The following PACS1 variants were observed in gnomAD, a reference collection of about 807,000 sequenced individuals.
PACS1 encodes PACS-1.
A neutral mutation model predicts 115.0 loss-of-function variants in PACS1; 24 were observed. The observed-to-expected ratio is 0.21, with a 90% CI of 0.15 to 0.29. The LOEUF is 0.29. PACS1 is among the 10% of genes least tolerant of loss of function. The probability of loss-of-function intolerance (pLI) is 1.00; values close to 1 mark genes in which losing one functional copy is unlikely to be tolerated. For missense variants in PACS1, 838 were observed against 1,251.2 expected (o/e 0.67, Z 4.98); for synonymous variants, 453 against 504.5 (o/e 0.90, Z 1.37).
At chr11:66,142,509 T>C (rs1859017095) in intron 1 of PACS1, among the ~76,000 whole-genome samples, 1 of 151,294 alleles carries the variant, frequency 6.6e-6, no homozygotes, top group Non-Finnish European at 1.5e-5. Context: ...GGTTTCGCCA[T>C]GGTGCCCAGG....
At chr11:66,189,600 A>G (rs1282754449) in intron 1 of PACS1, among the ~76,000 whole-genome samples, 2 of 152,232 alleles carry the variant, frequency 1.3e-5, no homozygotes, top group Non-Finnish European at 2.9e-5. Flanking sequence ...CAACTGGTTC[A>G]GTACCAGGCG....
rs905401997 is a variant in PACS1, at chr11:66,193,631, A to G, written c.444+58A>G. 39 of 1,228,162 alleles carry G rather than the reference A, an allele frequency of 3.2e-5. 1 individual carries two copies. In the African/African-American group the frequency reaches 3.4e-4, roughly 11 times the overall value. 76.1% of individuals were successfully genotyped at this position (1,228,162 alleles called of 1,614,324 possible). On this transcript the variant is annotated intron_variant, in intron 2 of 23. Transcript: ENST00000320580. ...AGGGAAGCTGGATAACCATTTGCCCACTGCTGCGGCTTCAGAAACACTACT... is the reference window on the plus strand; with the variant it reads ...AGGGAAGCTGGATAACCATTTGCCCGCTGCTGCGGCTTCAGAAACACTACT...
intron 1 of PACS1, among the ~76,000 whole-genome samples, chr11:66,135,260 G>C (rs1858815682): frequency 6.6e-6 from 1 of 152,058 alleles, no homozygotes; most frequent in Non-Finnish European, 1.5e-5. Context: ...TGAACTAAAA[G>C]CTTGTCCTGG....
At chr11:66,180,767 T>G (rs1461359128) in intron 1 of PACS1, among the ~76,000 whole-genome samples, 2 of 151,866 alleles carry the variant, frequency 1.3e-5, no homozygotes, top group Non-Finnish European at 2.9e-5. Flanking sequence ...CAAGTGATCC[T>G]CCTACCTCAG....
At chr11:66,161,837 C>A (rs1371425159) in intron 1 of PACS1, among the ~76,000 whole-genome samples, 3 of 152,126 alleles carry the variant, frequency 2.0e-5, no homozygotes. Flanking sequence ...CGAGAGATTC[C>A]CTATTGACTT....
At chr11:66,211,639 G>T (rs555893492) in intron 4 of PACS1, among the ~76,000 whole-genome samples, 6 of 152,232 alleles carry the variant, frequency 3.9e-5, no homozygotes, top group African/African-American at 1.4e-4. Flanking sequence ...AGCCATCCGA[G>T]AGTAAGTTGC....
intron 2 of PACS1, among the ~76,000 whole-genome samples, chr11:66,209,358 A>G (rs1263026115): frequency 6.6e-6 from 1 of 151,966 alleles, no homozygotes; most frequent in Non-Finnish European, 1.5e-5. Flanking sequence ...CCCAAATATT[A>G]GGTTTGGAGA....
chr11:66,108,234 C>T (rs888975698), intron 1 of PACS1, among the ~76,000 whole-genome samples: 31 of 152,290 alleles, frequency 2.0e-4, no homozygotes, highest in African/African-American at 6.0e-4. Flanking sequence ...TGGCTGCAGA[C>T]GGGCACATTC....
intron 1 of PACS1, among the ~76,000 whole-genome samples, chr11:66,083,280 A>G (rs1377639764): frequency 3.3e-5 from 5 of 152,174 alleles, no homozygotes. Flanking sequence ...TATGCAATAA[A>G]TTGTTTATGC....
chr11:66,206,502 C>T (rs2134693185), intron 2 of PACS1, among the ~76,000 whole-genome samples: 1 of 152,246 alleles, frequency 6.6e-6, no homozygotes, highest in South Asian at 2.1e-4. Flanking sequence ...CACTCCGCAT[C>T]CTGCTACCTG....
At chr11:66,169,566 A>ATTTTTTTTT (rs59176258) in intron 1 of PACS1, among the ~76,000 whole-genome samples, 1 of 115,314 alleles carries the variant, frequency 8.7e-6, no homozygotes. Flanking sequence ...CGCCCGGCTA[A>ATTTTTTTTT]TTTTTTTTTT....
chr11:66,108,344 C>A (rs1194486277), intron 1 of PACS1, among the ~76,000 whole-genome samples: 1 of 152,010 alleles, frequency 6.6e-6, no homozygotes, highest in East Asian at 1.9e-4. Context: ...AGATTAGGGC[C>A]CCACCCTTCT....
chr11:66,091,970 T>C (rs888920358), intron 1 of PACS1, among the ~76,000 whole-genome samples: 2 of 152,124 alleles, frequency 1.3e-5, no homozygotes, highest in African/African-American at 4.8e-5. Flanking sequence ...TGAATAGTGC[T>C]GCAATAAACA....
chr11:66,167,037 A>C (rs1274111641), intron 1 of PACS1, among the ~76,000 whole-genome samples: 2 of 150,464 alleles, frequency 1.3e-5, no homozygotes, highest in African/African-American at 5.0e-5. Context: ...TCCCACCAGC[A>C]GCATATGAGT....
intron 1 of PACS1, among the ~76,000 whole-genome samples, chr11:66,082,864 T>G (rs549647703): frequency 6.6e-6 from 1 of 152,134 alleles, no homozygotes; most frequent in Non-Finnish European, 1.5e-5. Context: ...TCAAAAAATA[T>G]AAAATAAAAT....
intron 4 of PACS1, among the ~76,000 whole-genome samples, chr11:66,212,185 G>A (rs569981670): frequency 2.0e-5 from 3 of 150,978 alleles, no homozygotes; most frequent in South Asian, 2.1e-4. Flanking sequence ...AGGCTGGAGT[G>A]CAGTGGCATG....
At chr11:66,149,455 TC>T (rs969855729) in intron 1 of PACS1, among the ~76,000 whole-genome samples, 15 of 152,168 alleles carry the variant, frequency 9.9e-5, no homozygotes, top group African/African-American at 3.4e-4. Flanking sequence ...ATAGGATTGT[TC>T]CACTTTATTA....
At chr11:66,198,321 A>G (rs954495674) in intron 2 of PACS1, among the ~76,000 whole-genome samples, 1 of 152,270 alleles carries the variant, frequency 6.6e-6, no homozygotes, top group African/African-American at 2.4e-5. Context: ...TGTTCATAAC[A>G]GAATTATTCA....
At chr11:66,082,806 G>A (rs1419567378) in intron 1 of PACS1, among the ~76,000 whole-genome samples, 6 of 152,208 alleles carry the variant, frequency 3.9e-5, no homozygotes, top group Non-Finnish European at 5.9e-5. Flanking sequence ...AGTGAGCCAA[G>A]ATCATGCCAT....
Sources: gnomAD v4.1 joint callset for allele counts (sites outside exome capture counted in the v4.1 genomes callset) on GRCh38, gnomAD v4.1.1 for gene constraint, MANE v1.5 for transcripts, NCBI Gene and HGNC (gene_info 2026-07-23, HGNC 2026-07-21) for gene names.